Variants in AGBL3 observed in about 807,000 individuals in gnomAD.
The protein encoded by AGBL3 is cytosolic carboxypeptidase 3.
Under a neutral mutation model 94.5 loss-of-function variants are expected in AGBL3, and 68 were observed. The observed-to-expected ratio is 0.72, with a 90% CI of 0.59 to 0.88. The LOEUF (loss-of-function observed/expected upper bound fraction) is 0.88, where lower values mean the gene tolerates loss of function less well. Ranked by LOEUF, AGBL3 falls within the 40% of genes least tolerant of loss-of-function variation. The pLI, the probability that AGBL3 is intolerant of heterozygous loss-of-function variation, is 0.00. For missense variants in AGBL3, 934 were observed against 1,103.8 expected (o/e 0.85, Z 2.18); for synonymous variants, 354 against 370.7 (o/e 0.95, Z 0.52).
intron 4 of AGBL3, chr7:135,012,162 A>G (rs1309975491): frequency 1.3e-5 from 2 of 152,174 alleles, no homozygotes; most frequent in Admixed American, 6.5e-5. Flanking sequence ...ACCATACACT[A>G]TGTGATTTTA....
intron 4 of AGBL3, among the ~76,000 whole-genome samples, chr7:135,000,755 A>G (rs1811613257): frequency 2.0e-5 from 3 of 152,188 alleles, no homozygotes; most frequent in South Asian, 2.1e-4. Flanking sequence ...CAAATGCTGT[A>G]TATCTTACAG....
chr7:135,010,665 A>G (rs1224507797), intron 4 of AGBL3: 2 of 152,148 alleles, frequency 1.3e-5, no homozygotes, highest in South Asian at 2.1e-4. Flanking sequence ...TATGTTTGCA[A>G]ATATTTCAGG....
At chr7:134,992,889 G>A (rs1018705381) in intron 3 of AGBL3, among the ~76,000 whole-genome samples, 1 of 152,156 alleles carries the variant, frequency 6.6e-6, no homozygotes, top group Non-Finnish European at 1.5e-5. Flanking sequence ...AAGGGAGGGG[G>A]AAACCCAGGA....
chr7:135,001,609 A>G (rs191570280), intron 4 of AGBL3, among the ~76,000 whole-genome samples: 180 of 152,262 alleles, frequency 1.2e-3, no homozygotes, highest in Non-Finnish European at 2.0e-3. Flanking sequence ...CTTTGATCCC[A>G]TCAGTGTCCA....
intron 8 of AGBL3, among the ~76,000 whole-genome samples, chr7:135,040,864 C>T (rs1386659207): frequency 4.4e-5 from 5 of 114,888 alleles, no homozygotes; most frequent in African/African-American, 1.5e-4. Flanking sequence ...CCAAAGTGAT[C>T]CATGCACACA....
chr7:135,035,117 CTAACCTCCCCTTAAA>C (rs72283959), intron 7 of AGBL3, among the ~76,000 whole-genome samples, 189 bp downstream of exon 7: 66,902 of 151,406 alleles, frequency 0.44, 15,383 homozygotes, highest in East Asian at 0.77. Context: ...ACTGGATTCA[CTAACCTCCCCTTAAA>C]TAACCTCCCC....
intron 16 of AGBL3, among the ~76,000 whole-genome samples, chr7:135,117,295 T>C (rs948164690): frequency 6.6e-6 from 1 of 152,232 alleles, no homozygotes; most frequent in Non-Finnish European, 1.5e-5. Context: ...AATCATCTTG[T>C]TAACATGCAA....
At chr7:135,004,193 GATT>G (rs1328128419) in intron 4 of AGBL3, among the ~76,000 whole-genome samples, 1 of 151,546 alleles carries the variant, frequency 6.6e-6, no homozygotes, top group African/African-American at 2.4e-5. Flanking sequence ...GGGGTAGAGG[GATT>G]ATGATATTCT....
At chr7:135,134,198 G>C (rs1322948176) in intron 16 of AGBL3, among the ~76,000 whole-genome samples, 1 of 151,926 alleles carries the variant, frequency 6.6e-6, no homozygotes, top group Non-Finnish European at 1.5e-5. Context: ...AAGCTATTTT[G>C]GGGAAATTGG....
intron 2 of AGBL3, chr7:134,988,199 G>GT (rs1373075345): frequency 5.2e-6 from 2 of 382,676 alleles, no homozygotes; most frequent in African/African-American, 2.1e-5. Flanking sequence ...AACTATATTT[G>GT]TATTTTTTTT....
intron 12 of AGBL3, among the ~76,000 whole-genome samples, chr7:135,068,843 A>C (rs1819613571): frequency 6.6e-6 from 1 of 152,202 alleles, no homozygotes; most frequent in African/African-American, 2.4e-5. Context: ...GAGCAAAATA[A>C]CCAGCTAACA....
intron 12 of AGBL3, among the ~76,000 whole-genome samples, chr7:135,062,427 T>C (rs1276764746): frequency 6.6e-6 from 1 of 152,144 alleles, no homozygotes; most frequent in Non-Finnish European, 1.5e-5. Context: ...GTGGGCATCA[T>C]TGTCTTGTTC....
At chr7:134,994,186 C>T (rs1810673788) in intron 4 of AGBL3, among the ~76,000 whole-genome samples, 1 of 152,168 alleles carries the variant, frequency 6.6e-6, no homozygotes, top group South Asian at 2.1e-4. Flanking sequence ...TTGTGGCTCT[C>T]TGTCTCTTTC....
chr7:135,053,439 C>T, intron 11 of AGBL3, among the ~76,000 whole-genome samples: 1 of 152,082 alleles, frequency 6.6e-6, no homozygotes, highest in Admixed American at 6.5e-5. Flanking sequence ...TAAACCCCAT[C>T]TCTACTAAAA....
chr7:135,064,443 T>C (rs747531223), intron 12 of AGBL3, among the ~76,000 whole-genome samples: 2 of 152,182 alleles, frequency 1.3e-5, no homozygotes, highest in African/African-American at 2.4e-5. Flanking sequence ...AAGTGGTTAG[T>C]AGGGTCACCT....
intron 14 of AGBL3, 127 bp from the exon 15 acceptor site, chr7:135,081,592 T>C (rs1252289293): frequency 1.9e-6 from 1 of 521,656 alleles, no homozygotes; most frequent in African/African-American, 1.9e-5. Context: ...TATTTTAATT[T>C]CATTGAACTA....
chr7:135,079,632 A>ATT (rs11393217), intron 13 of AGBL3, among the ~76,000 whole-genome samples: 403 of 140,460 alleles, frequency 2.9e-3, no homozygotes, highest in Middle Eastern at 7.2e-3. Flanking sequence ...CTCCCCACTA[A>ATT]TTTTTTTTTT....
At position 135,038,958 on chromosome 7, in the gene AGBL3, CAA is replaced by C. The variant is rs34474456; in HGVS notation, c.1500+1392_1500+1393del. ...TGGACGATAGAGCGAGACTTTGTCT[CAA>C]AAAAAAAAAAAAACTTTTTGTGAAA... On this transcript the variant is annotated intron_variant, in intron 8 of 16. Coordinates refer to ENST00000436302, the MANE Select transcript of AGBL3 (RefSeq NM_178563.4). Among the ~76,000 whole-genome samples the C allele has an allele frequency of 7.9e-3, 1,025 of 129,094 alleles. 6 individuals are homozygous for C. The highest frequency in any genetic ancestry group is 0.028 in the African/African-American group (953 of 33,568). 84.7% of individuals were successfully genotyped at this position (129,094 alleles called of 152,430 possible). A position where few individuals can be genotyped will look rare whatever the true frequency, so the allele number is the denominator to read the frequency against.
chr7:135,093,817 A>C (rs561359801), intron 15 of AGBL3: 4 of 152,356 alleles, frequency 2.6e-5, no homozygotes, highest in Admixed American at 2.6e-4. Context: ...GATAAAGAAC[A>C]ATGTTTAAGG....
Sources: gnomAD v4.1 joint callset for allele counts (sites outside exome capture counted in the v4.1 genomes callset) on GRCh38, gnomAD v4.1.1 for gene constraint, MANE v1.5 for transcripts, NCBI Gene and HGNC (gene_info 2026-07-23, HGNC 2026-07-21) for gene names.